NEDD4L: variants seen among roughly 807,000 people sequenced by gnomAD.
The protein encoded by NEDD4L is NEDD4 like E3 ubiquitin protein ligase, also known as E3 ubiquitin-protein ligase NEDD4-like.
In NEDD4L, 54 loss-of-function variants were observed where a neutral mutation model predicts 148.9. The observed-to-expected ratio is 0.36, with a 90% confidence interval of 0.29 to 0.45. The LOEUF (loss-of-function observed/expected upper bound fraction) is 0.45. Ranked by LOEUF, NEDD4L falls within the 20% of genes least tolerant of loss-of-function variation. The probability of loss-of-function intolerance (pLI) is 1.00; values close to 1 mark genes in which losing one functional copy is unlikely to be tolerated. For synonymous variants in NEDD4L, 433 were observed against 440.7 expected (o/e 0.98, Z 0.22); for missense variants, 856 against 1,233.8 (o/e 0.69, Z 4.59).
chr18:58,095,572 A>C (rs899221174), intron 1 of NEDD4L, among the ~76,000 whole-genome samples: 3 of 152,110 alleles, frequency 2.0e-5, no homozygotes, highest in African/African-American at 7.2e-5. Context: ...GCACAGAGAG[A>C]AGCTGTGGCC....
chr18:58,214,607 T>TTGTGTGTG lies in NEDD4L; in HGVS notation c.123-30790_123-30783dup, dbSNP rs59608519. ...ATTCCATAAACATTAGCTGCTCGGT[T>TTGTGTGTG]TGTGTGTGTGTGTGTGTGTGTGTGT... On this transcript the variant is annotated intron_variant, in intron 2 of 30. Coordinates refer to ENST00000400345, the MANE Select transcript of NEDD4L (RefSeq NM_001144967.3). Among the ~76,000 whole-genome samples, 421 of 145,408 alleles carry TTGTGTGTG rather than the reference T, an allele frequency of 2.9e-3. 1 individual carries two copies. Among genetic ancestry groups the TTGTGTGTG allele is most frequent in the African/African-American group, 4.6e-3 (183 of 39,666 alleles).
intron 13 of NEDD4L, among the ~76,000 whole-genome samples, chr18:58,338,310 C>T (rs1258923555): frequency 6.6e-6 from 1 of 152,192 alleles, no homozygotes; most frequent in Non-Finnish European, 1.5e-5. Context: ...CTGGTTTTGG[C>T]TTCCTGGCGG....
At chr18:58,380,875 A>G (rs1350563996) in intron 24 of NEDD4L, among the ~76,000 whole-genome samples, 1 of 152,182 alleles carries the variant, frequency 6.6e-6, no homozygotes, top group Non-Finnish European at 1.5e-5. Context: ...AAATTAATAT[A>G]TCACACATAC....
intron 24 of NEDD4L, among the ~76,000 whole-genome samples, chr18:58,375,322 ACCCTGTTCTCCAGTG>A (rs752304595): frequency 9.9e-5 from 15 of 151,590 alleles, no homozygotes; most frequent in Non-Finnish European, 1.6e-4. Context: ...TCTAGTGCCT[ACCCTGTTCTCCAGTG>A]CCCTGTTCTC....
chr18:58,076,952 GC>G (rs1449259547), intron 1 of NEDD4L, among the ~76,000 whole-genome samples: 2 of 149,328 alleles, frequency 1.3e-5, no homozygotes, highest in African/African-American at 4.9e-5. Flanking sequence ...CTGGATTCAA[GC>G]AATTCTTCTG....
chr18:58,357,267 ATTCTGCCTCTTCAGT>A lies in NEDD4L; in HGVS notation c.1767+16_1767+30del. On this transcript the variant is annotated intron_variant, in intron 19 of 30. Transcript: ENST00000400345. ...TTACTGGTCCGGTCAGTATTTTCAAATTCTGCCTCTTCAGTATAAGATTTTGGTTACGTGTTTACG... is the reference window on the plus strand; with the variant it reads ...TTACTGGTCCGGTCAGTATTTTCAAAATAAGATTTTGGTTACGTGTTTACG... 6.2e-7 allele frequency: 1 copy of A among 1,607,726 alleles called. No homozygotes were observed. Among genetic ancestry groups the A allele is most frequent in the Non-Finnish European group, 8.5e-7 (1 of 1,174,468 alleles).
At chr18:58,069,136 C>CA (rs1161273608) in intron 1 of NEDD4L, among the ~76,000 whole-genome samples, 14,875 of 70,940 alleles carry the variant, frequency 0.21, 1,012 homozygotes, top group African/African-American at 0.25. Flanking sequence ...AATCTGTCTC[C>CA]AAAAAAAAAA....
At position 58,364,322 on chromosome 18, in the gene NEDD4L, T is replaced by A. The variant is rs371275002; in HGVS notation, c.1822T>A (p.Leu608Ile). Residue 608 changes from leucine (L) to isoleucine (I), a missense_variant, in exon 20 of 31, where the codon TTA becomes ATA. Leu to Ile is a conservative substitution (Grantham distance 5). This residue lies in a region of NEDD4L where 286 missense variants were observed against 531.8 expected (regional missense o/e 0.54). Coordinates refer to ENST00000400345, the MANE Select transcript of NEDD4L (RefSeq NM_001144967.3). ...KQKYDYFRKKLKKPADIPNRF... is the reference protein window; with the variant it reads ...KQKYDYFRKKIKKPADIPNRF... ...GAAATATGACTACTTCAGGAAGAAA[T>A]TAAAGAAACCTGTGAGTAATCATGC... 14 of 1,557,758 alleles carry A rather than the reference T, an allele frequency of 9.0e-6. No homozygotes were observed. The African/African-American group carries it at 1.6e-4, about 18-fold the overall frequency.
intron 5 of NEDD4L, among the ~76,000 whole-genome samples, chr18:58,282,987 A>T (rs2053386374): frequency 6.6e-6 from 1 of 152,198 alleles, no homozygotes; most frequent in Admixed American, 6.5e-5. Flanking sequence ...GATGACGGCT[A>T]ATCCCATTGT....
intron 1 of NEDD4L, among the ~76,000 whole-genome samples, chr18:58,087,177 A>G (rs75874719): frequency 0.015 from 2,250 of 152,344 alleles, 54 homozygotes; most frequent in African/African-American, 0.051. Flanking sequence ...GGGACCTTCA[A>G]CACTCTGGAA....
intron 1 of NEDD4L, among the ~76,000 whole-genome samples, chr18:58,073,223 T>G (rs1182630462): frequency 6.6e-6 from 1 of 152,070 alleles, no homozygotes; most frequent in African/African-American, 2.4e-5. Context: ...CTGGCTTTTT[T>G]TTTTCTCAGA....
intron 14 of NEDD4L, 52 bp downstream of exon 14, chr18:58,341,221 T>C (rs1436014345): frequency 1.9e-6 from 3 of 1,591,438 alleles, no homozygotes; most frequent in East Asian, 4.5e-5. Context: ...AGCCGAAATG[T>C]ACATGACCGA....
chr18:58,158,040 T>A (rs2035734148), intron 1 of NEDD4L, among the ~76,000 whole-genome samples: 1 of 152,226 alleles, frequency 6.6e-6, no homozygotes. Context: ...CTTTCCACAG[T>A]GACTGGTATG....
At chr18:58,162,824 G>A (rs577608073) in intron 1 of NEDD4L, among the ~76,000 whole-genome samples, 7 of 152,122 alleles carry the variant, frequency 4.6e-5, no homozygotes, top group Admixed American at 2.0e-4. Flanking sequence ...AGCACTTTGG[G>A]AGACTGAGGC....
At chr18:58,213,124 A>G (rs1387849080) in intron 2 of NEDD4L, among the ~76,000 whole-genome samples, 1 of 147,212 alleles carries the variant, frequency 6.8e-6, no homozygotes, top group Non-Finnish European at 1.5e-5. Context: ...TTCTCATAAT[A>G]CTGATGGAAA....
At chr18:58,381,602 G>T (rs770341165) in intron 24 of NEDD4L, among the ~76,000 whole-genome samples, 1 of 152,194 alleles carries the variant, frequency 6.6e-6, no homozygotes, top group South Asian at 2.1e-4. Flanking sequence ...AAGCCTTCTC[G>T]ATACCAATGC....
intron 1 of NEDD4L, among the ~76,000 whole-genome samples, chr18:58,083,064 A>G (rs953177817): frequency 1.4e-4 from 21 of 152,166 alleles, no homozygotes; most frequent in Admixed American, 3.9e-4. Context: ...TAAGATTTCT[A>G]AGGGTAGAGA....
At chr18:58,130,269 T>C (rs2031862642) in intron 1 of NEDD4L, among the ~76,000 whole-genome samples, 1 of 146,418 alleles carries the variant, frequency 6.8e-6, no homozygotes, top group East Asian at 2.1e-4. Flanking sequence ...TTGGTTGTGA[T>C]CTAGTGGAAC....
At chr18:58,069,887 G>A (rs906093925) in intron 1 of NEDD4L, among the ~76,000 whole-genome samples, 1 of 152,190 alleles carries the variant, frequency 6.6e-6, no homozygotes, top group East Asian at 1.9e-4. Flanking sequence ...GTTTTAACCT[G>A]CTGCAATCCC....
Sources: allele counts gnomAD v4.1 joint callset (sites outside exome capture counted in the v4.1 genomes callset), GRCh38; gene constraint gnomAD v4.1.1; regional missense constraint gnomAD v4.1.1; transcripts MANE v1.5; gene names NCBI Gene and HGNC (gene_info 2026-07-23, HGNC 2026-07-21).